The following CMIP variants were observed in gnomAD, a reference collection of about 807,000 sequenced individuals.
CMIP encodes the protein c-Maf inducing protein.
CMIP carries 13 observed loss-of-function variants against 97.3 expected under a neutral mutation model. That is an observed-to-expected ratio of 0.13 (90% CI 0.09 to 0.21). The LOEUF is 0.21. CMIP is among the 10% of genes least tolerant of loss of function. CMIP has a pLI of 1.00. For missense variants in CMIP, 847 were observed against 1,024.9 expected (o/e 0.83, Z 2.37); for synonymous variants, 538 against 436.3 (o/e 1.23, Z -2.91).
chr16:81,675,884 G>A (rs1904299978), intron 9 of CMIP, among the ~76,000 whole-genome samples: 1 of 152,212 alleles, frequency 6.6e-6, no homozygotes, highest in African/African-American at 2.4e-5. Context: ...GACTCTGCTT[G>A]TCTAACAAGC....
At chr16:81,585,075 C>T (rs995729094) in intron 1 of CMIP, among the ~76,000 whole-genome samples, 135 of 152,238 alleles carry the variant, frequency 8.9e-4, no homozygotes, top group African/African-American at 3.1e-3. Flanking sequence ...GGCATGGTGG[C>T]TCACGCCTGT....
In CMIP at chr16:81,473,731, C is replaced by T. The variant is rs559829020; in HGVS notation, c.300+28190C>T. On this transcript the variant is annotated intron_variant, in intron 1 of 20. Coordinates refer to ENST00000537098, the MANE Select transcript of CMIP (RefSeq NM_198390.3). Reference sequence around the variant, plus strand: ...TTTGGGGGACGCGGGGACGCAGGGACGCATTGAGCAGAAGCTGCAAGCGGA... The same window carrying T: ...TTTGGGGGACGCGGGGACGCAGGGATGCATTGAGCAGAAGCTGCAAGCGGA... Among the ~76,000 whole-genome samples the T allele has an allele frequency of 5.9e-5, 9 of 151,436 alleles. No homozygotes were observed. The South Asian group carries it at 1.5e-3, about 25-fold the overall frequency.
chr16:81,649,950 C>G (rs1053461769), intron 3 of CMIP, among the ~76,000 whole-genome samples: 6 of 152,200 alleles, frequency 3.9e-5, no homozygotes, highest in African/African-American at 1.2e-4. Context: ...GGGTTTTGCA[C>G]AGATATTTCA....
rs970797110 is a variant in CMIP at position 81,501,383 on chromosome 16, CA to C, written c.300+55843del. ...GGGACCTGAAGCCCCTCTTTGGCCC[CA>C]GGGGGAGCTCTGGCAGTGCCCTGTG... On this transcript the variant is annotated intron_variant, in intron 1 of 20. Transcript: ENST00000537098. Among the ~76,000 whole-genome samples, 21 of 152,348 alleles carry C rather than the reference CA, an allele frequency of 1.4e-4. 1 individual carries two copies. Among genetic ancestry groups the C allele is most frequent in the African/African-American group, 5.1e-4 (21 of 41,578 alleles).
chr16:81,651,261 C>T (rs947446681), intron 3 of CMIP: 7 of 169,424 alleles, frequency 4.1e-5, no homozygotes, highest in East Asian at 1.9e-4. Context: ...GCTGCAAAGG[C>T]GGGAGCCCGG....
chr16:81,552,639 T>C (rs1013993609), intron 1 of CMIP, among the ~76,000 whole-genome samples: 1 of 152,146 alleles, frequency 6.6e-6, no homozygotes, highest in Non-Finnish European at 1.5e-5. Context: ...TCTGGGAGAA[T>C]CTCCCATCTC....
At position 81,705,458 on chromosome 16, in the gene CMIP, G is replaced by C. The variant is rs373943559; in HGVS notation, c.2092-41G>C. The C allele has an allele frequency of 3.4e-3, 4,786 of 1,414,302 alleles. 16 individuals are homozygous for C. Among genetic ancestry groups the C allele is most frequent in the Non-Finnish European group, 4.3e-3 (4,392 of 1,022,028 alleles). 87.6% of individuals were successfully genotyped at this position (1,414,302 alleles called of 1,614,324 possible). On this transcript the variant is annotated intron_variant, in intron 18 of 20. Transcript: ENST00000537098. ...CCCCAGCCTCAGAGTCACTTCCCCAGGAGTGGCCGGGAGAGGGCTGAGAGT... is the reference window on the plus strand; with the variant it reads ...CCCCAGCCTCAGAGTCACTTCCCCACGAGTGGCCGGGAGAGGGCTGAGAGT...
At chr16:81,691,510 A>G (rs1311786928) in intron 10 of CMIP, 1 of 546,710 alleles carries the variant, frequency 1.8e-6, no homozygotes, top group Non-Finnish European at 3.3e-6. Context: ...CCTTGGTTCA[A>G]AGGGCATTGT....
At chr16:81,702,147 T>C (rs1907488908) in intron 16 of CMIP, among the ~76,000 whole-genome samples, 2 of 152,146 alleles carry the variant, frequency 1.3e-5, no homozygotes, top group South Asian at 4.1e-4. Flanking sequence ...ATGCATATAC[T>C]CACACATGTG....
At chr16:81,505,327 T>G (rs926987806) in intron 1 of CMIP, among the ~76,000 whole-genome samples, 3 of 152,212 alleles carry the variant, frequency 2.0e-5, no homozygotes, top group Non-Finnish European at 4.4e-5. Flanking sequence ...ACTGGGCCTG[T>G]GTGGAGGCCA....
At chr16:81,487,543 A>G (rs2089337523) in intron 1 of CMIP, among the ~76,000 whole-genome samples, 1 of 151,906 alleles carries the variant, frequency 6.6e-6, no homozygotes, top group African/African-American at 2.4e-5. Context: ...CCAGGCAGCA[A>G]CTCCTCTCCC....
At chr16:81,645,302 C>A in intron 3 of CMIP, 1 of 1,165,786 alleles carries the variant, frequency 8.6e-7, no homozygotes, top group Non-Finnish European at 1.1e-6. Context: ...GCCATGGGCG[C>A]GCCCGTGCAG....
In CMIP at chr16:81,651,485, C is replaced by T. The variant is rs183140403; in HGVS notation, c.478-718C>T. On this transcript the variant is annotated intron_variant, in intron 3 of 20. Coordinates refer to ENST00000537098, the MANE Select transcript of CMIP (RefSeq NM_198390.3). ...ATGCGGAGGGCAGCGCTGGATTTCC[C>T]GGGGGAGCATTCCAGGTTTAGTCCC... The T allele has an allele frequency of 1.5e-4, 88 of 571,246 alleles. No homozygotes were observed. The East Asian group carries it at 3.6e-3, about 23-fold the overall frequency. 35.4% of individuals were successfully genotyped at this position (571,246 alleles called of 1,614,324 possible). A position where few individuals can be genotyped will look rare whatever the true frequency, so the allele number is the denominator to read the frequency against.
At chr16:81,636,400 T>G (rs954454427) in intron 3 of CMIP, among the ~76,000 whole-genome samples, 2 of 151,730 alleles carry the variant, frequency 1.3e-5, no homozygotes, top group Non-Finnish European at 2.9e-5. Flanking sequence ...CTGGTCAATG[T>G]GGTGAAGCCC....
chr16:81,508,956 G>A (rs1421669388), intron 1 of CMIP, among the ~76,000 whole-genome samples: 1 of 152,212 alleles, frequency 6.6e-6, no homozygotes, highest in Non-Finnish European at 1.5e-5. Context: ...CCTTTGCTCA[G>A]CGTGGAGTCT....
In CMIP at chr16:81,569,656, A is replaced by G. The variant is rs117524173; in HGVS notation, c.301-37911A>G. Reference sequence around the variant, plus strand: ...GCTTGCCCGTTTCTACTGTGTAAATACTTACACTATGGCCAAAGTGAGATG... The same window carrying G: ...GCTTGCCCGTTTCTACTGTGTAAATGCTTACACTATGGCCAAAGTGAGATG... On this transcript the variant is annotated intron_variant, in intron 1 of 20. Transcript: ENST00000537098. Among the ~76,000 whole-genome samples the G allele has an allele frequency of 2.7e-3, 412 of 152,330 alleles. 16 individuals carry two copies. In the East Asian group the frequency reaches 0.065, roughly 24 times the overall value.
chr16:81,575,837 G>T (rs184767306), intron 1 of CMIP, among the ~76,000 whole-genome samples: 8 of 152,310 alleles, frequency 5.3e-5, no homozygotes, highest in East Asian at 1.9e-4. Context: ...TAAGGGCAGA[G>T]AACTTTTTCT....
rs1228033721 is a variant in CMIP at position 81,696,620 on chromosome 16, C to A, written c.1591C>A (p.Pro531Thr). The change falls in exon 14 of 21, where the codon CCC becomes ACC. Residue 531 changes from proline (P) to threonine (T), a missense_variant. Pro to Thr is a conservative substitution (Grantham distance 38). Coordinates refer to ENST00000537098, the MANE Select transcript of CMIP (RefSeq NM_198390.3). Reference protein sequence around the residue: ...GKDGWFQLYSPGGVACDDDGE... With the variant: ...GKDGWFQLYSTGGVACDDDGE... The stretch of plus-strand genomic sequence containing the variant: ...AGATGGCTGGTTCCAGCTCTACAGC[C>A]CCGGAGGGGTGGCCTGCGACGATGA... 1 of 1,607,208 alleles carries A rather than the reference C, an allele frequency of 6.2e-7. No homozygotes were observed. The highest frequency in any genetic ancestry group is 1.3e-5 in the African/African-American group (1 of 74,940).
At chr16:81,628,195 A>G (rs1379063910) in intron 3 of CMIP, among the ~76,000 whole-genome samples, 1 of 152,046 alleles carries the variant, frequency 6.6e-6, no homozygotes, top group East Asian at 1.9e-4. Flanking sequence ...TTGCTCCCGG[A>G]GCCCACCTCC....
Sources: allele counts gnomAD v4.1 joint callset (sites outside exome capture counted in the v4.1 genomes callset), GRCh38; gene constraint gnomAD v4.1.1; transcripts MANE v1.5; gene names NCBI Gene and HGNC (gene_info 2026-07-23, HGNC 2026-07-21).